LGSN: variants seen among roughly 807,000 people sequenced by gnomAD.
LGSN encodes lengsin, lens protein with glutamine synthetase domain, also known as lengsin.
LGSN carries 21 observed loss-of-function variants against 19.5 expected under a neutral mutation model. The observed-to-expected ratio is 1.07, with a 90% CI of 0.76 to 1.55. The LOEUF is 1.55. LGSN is among the 40% of genes most tolerant of loss of function. The pLI, the probability that LGSN is intolerant of heterozygous loss-of-function variation, is 0.00. For synonymous variants in LGSN, 257 were observed against 215.6 expected (o/e 1.19, Z -1.68); for missense variants, 673 against 608.5 (o/e 1.11, Z -1.12).
At chr6:63,451,758 A>G in the LGSN span, among the ~76,000 whole-genome samples, 1 of 152,150 alleles carries the variant, frequency 6.6e-6, no homozygotes, top group Non-Finnish European at 1.5e-5. Flanking sequence ...AATAAAAATT[A>G]ATTAAAAAAA....
the LGSN span, among the ~76,000 whole-genome samples, chr6:63,539,895 C>G: frequency 6.6e-6 from 1 of 152,038 alleles, no homozygotes; most frequent in African/African-American, 2.4e-5. Flanking sequence ...AAAAATAATA[C>G]AGTGACATAA....
At chr6:63,446,243 C>CAAAAA in the LGSN span, among the ~76,000 whole-genome samples, 25 of 74,680 alleles carry the variant, frequency 3.3e-4, 1 homozygote, top group Middle Eastern at 7.7e-3. Flanking sequence ...GACTGTGTCT[C>CAAAAA]AAAAAAAAAA....
the LGSN span, among the ~76,000 whole-genome samples, chr6:63,528,804 C>T: frequency 1.3e-5 from 2 of 151,786 alleles, no homozygotes; most frequent in South Asian, 4.2e-4. Flanking sequence ...TGGCACCCTC[C>T]ACAGAGTATT....
chr6:63,414,848 G>T, the LGSN span, among the ~76,000 whole-genome samples: 1 of 152,144 alleles, frequency 6.6e-6, no homozygotes, highest in Non-Finnish European at 1.5e-5. Flanking sequence ...CTGGGAGGCA[G>T]AGGTTGCAGT....
chr6:63,377,302 A>C, the LGSN span, among the ~76,000 whole-genome samples: 1 of 152,188 alleles, frequency 6.6e-6, no homozygotes, highest in Non-Finnish European at 1.5e-5. Context: ...AAGAGGTCTA[A>C]CAATCAACCA....
At chr6:63,489,792 C>T in the LGSN span, among the ~76,000 whole-genome samples, 341 of 152,238 alleles carry the variant, frequency 2.2e-3, 1 homozygote, top group African/African-American at 7.8e-3. Flanking sequence ...CTGCAACCTC[C>T]GTCTCCTGGG....
At chr6:63,448,701 TTTTG>T in the LGSN span, among the ~76,000 whole-genome samples, 1 of 152,168 alleles carries the variant, frequency 6.6e-6, no homozygotes, top group African/African-American at 2.4e-5. Context: ...TTCTTATTCT[TTTTG>T]TTTCTTTTTT....
At chr6:63,565,635 A>G in the LGSN span, among the ~76,000 whole-genome samples, 1 of 152,268 alleles carries the variant, frequency 6.6e-6, no homozygotes, top group African/African-American at 2.4e-5. Flanking sequence ...ACTCAACAAA[A>G]CACAGTAGCC....
the LGSN span, among the ~76,000 whole-genome samples, chr6:63,407,088 T>A: frequency 1.4e-4 from 22 of 152,000 alleles, no homozygotes; most frequent in Non-Finnish European, 2.6e-4. Flanking sequence ...ACAGCCAAAT[T>A]CTACCAGAGG....
chr6:63,389,097 A>T, the LGSN span, among the ~76,000 whole-genome samples: 1 of 152,172 alleles, frequency 6.6e-6, no homozygotes, highest in Non-Finnish European at 1.5e-5. Context: ...CCTTATGGCC[A>T]CCCCTACGTG....
rs751986002 is a variant in LGSN, at chr6:63,280,019, T to C, written c.*2A>G. The C allele has an allele frequency of 8.2e-6, 13 of 1,589,052 alleles. No individual in the cohort carries two copies. Among genetic ancestry groups the C allele is most frequent in the African/African-American group, 1.4e-5 (1 of 73,896 alleles). On this transcript the variant is annotated 3_prime_UTR_variant, in exon 4 of 4. Coordinates refer to ENST00000370657, the MANE Select transcript of LGSN (RefSeq NM_016571.3). ...TCTAAAGGAGTAGTTGTGAGCTCTA[T>C]TCTAAATAAAATACTCTAAGAATTT...
the LGSN span, among the ~76,000 whole-genome samples, chr6:63,338,949 T>C: frequency 7.9e-5 from 12 of 152,198 alleles, no homozygotes; most frequent in Non-Finnish European, 1.5e-4. Context: ...AAGCATGGTG[T>C]TTAATTTCCA....
At chr6:63,426,537 CAG>C in the LGSN span, among the ~76,000 whole-genome samples, 6 of 148,324 alleles carry the variant, frequency 4.0e-5, no homozygotes, top group African/African-American at 1.1e-4. Context: ...ATTTTTGAGA[CAG>C]AGTCTCGCTC....
chr6:63,558,230 G>A, the LGSN span, among the ~76,000 whole-genome samples: 2 of 152,196 alleles, frequency 1.3e-5, no homozygotes, highest in Middle Eastern at 3.4e-3. Context: ...ATTGAATTAA[G>A]TTATTGCAAT....
At chr6:63,412,145 T>G in the LGSN span, among the ~76,000 whole-genome samples, 1 of 151,992 alleles carries the variant, frequency 6.6e-6, no homozygotes, top group African/African-American at 2.4e-5. Flanking sequence ...GGTGGGCAGA[T>G]CACTTGAGGT....
At chr6:63,293,753 G>T (rs1283084395) in intron 2 of LGSN, 2 of 456,542 alleles carry the variant, frequency 4.4e-6, no homozygotes, top group African/African-American at 4.0e-5. Flanking sequence ...CATCCTGAGA[G>T]TCCTTGTCAT....
At chr6:63,310,498 TATA>T (rs1465160965) in intron 1 of LGSN, among the ~76,000 whole-genome samples, 2 of 152,146 alleles carry the variant, frequency 1.3e-5, no homozygotes, top group Non-Finnish European at 2.9e-5. Flanking sequence ...CAGCAATTTT[TATA>T]TATACAATAT....
At chr6:63,481,697 G>A in the LGSN span, 1 of 169,698 alleles carries the variant, frequency 5.9e-6, no homozygotes, top group Non-Finnish European at 1.3e-5. Flanking sequence ...AAATGAGTCA[G>A]AAGAATTCAA....
chr6:63,491,550 T>G, the LGSN span, among the ~76,000 whole-genome samples: 11 of 152,200 alleles, frequency 7.2e-5, no homozygotes, highest in Non-Finnish European at 1.5e-5. Flanking sequence ...AGGCCAGTTA[T>G]AATGAAATAT....
Sources: allele counts gnomAD v4.1 joint callset (sites outside exome capture counted in the v4.1 genomes callset), GRCh38; gene constraint gnomAD v4.1.1; transcripts MANE v1.5; gene names NCBI Gene and HGNC (gene_info 2026-07-23, HGNC 2026-07-21).